Variants in SLC24A3 observed in about 807,000 individuals in gnomAD.
SLC24A3 encodes the protein sodium/potassium/calcium exchanger 3.
SLC24A3 carries 28 observed loss-of-function variants against 75.8 expected under a neutral mutation model. That is an observed-to-expected ratio of 0.37 (90% CI 0.27 to 0.51). The LOEUF is 0.51. Ranked by LOEUF, SLC24A3 falls within the 20% of genes least tolerant of loss-of-function variation. The pLI, the probability that SLC24A3 is intolerant of heterozygous loss-of-function variation, is 0.94. For synonymous variants in SLC24A3, 372 were observed against 334.1 expected, an observed-to-expected ratio of 1.11 and a Z score of -1.24; for missense variants, 663 against 847.8, an observed-to-expected ratio of 0.78 and a Z score of 2.71.
intron 1 of SLC24A3, among the ~76,000 whole-genome samples, chr20:19,230,858 G>A (rs1188817253): frequency 1.3e-5 from 2 of 152,070 alleles, no homozygotes; most frequent in Non-Finnish European, 2.9e-5. Context: ...CCCATTGAAG[G>A]GTCATTGGGT....
At chr20:19,511,057 C>A (rs367774684) in intron 2 of SLC24A3, among the ~76,000 whole-genome samples, 1 of 152,178 alleles carries the variant, frequency 6.6e-6, no homozygotes, top group South Asian at 2.1e-4. Flanking sequence ...GAGCCCCCCA[C>A]CCTGCTGCTG....
At chr20:19,648,452 GT>G (rs538570138) in intron 6 of SLC24A3, among the ~76,000 whole-genome samples, 92 of 146,800 alleles carry the variant, frequency 6.3e-4, no homozygotes, top group Middle Eastern at 3.5e-3. Flanking sequence ...TGCTTCAACA[GT>G]TTTTTTTTTT....
At chr20:19,354,140 A>G (rs991756800) in intron 2 of SLC24A3, among the ~76,000 whole-genome samples, 3 of 152,224 alleles carry the variant, frequency 2.0e-5, no homozygotes, top group Non-Finnish European at 4.4e-5. Context: ...CACCCCTGAA[A>G]CCCACAACCG....
intron 2 of SLC24A3, among the ~76,000 whole-genome samples, chr20:19,355,717 T>C (rs1365459723): frequency 3.3e-5 from 5 of 152,362 alleles, no homozygotes; most frequent in African/African-American, 1.2e-4. Flanking sequence ...ATGTATATGC[T>C]TCTTTATCCG....
intron 1 of SLC24A3, among the ~76,000 whole-genome samples, chr20:19,273,673 C>G (rs1983395818): frequency 6.6e-6 from 1 of 152,078 alleles, no homozygotes; most frequent in Admixed American, 6.5e-5. Context: ...CCAGGAGGTG[C>G]CAATGCTGCT....
At chr20:19,635,355 A>G (rs1282030798) in intron 6 of SLC24A3, among the ~76,000 whole-genome samples, 1 of 152,236 alleles carries the variant, frequency 6.6e-6, no homozygotes, top group Non-Finnish European at 1.5e-5. Flanking sequence ...AGGGACATGA[A>G]TCCTAGAGGG....
chr20:19,641,986 T>C (rs937074162), intron 6 of SLC24A3, among the ~76,000 whole-genome samples: 4 of 152,192 alleles, frequency 2.6e-5, no homozygotes, highest in African/African-American at 4.8e-5. Flanking sequence ...CAGACCTGGC[T>C]CAAAACGTAG....
At chr20:19,568,425 C>A (rs1216921599) in intron 3 of SLC24A3, among the ~76,000 whole-genome samples, 1 of 152,120 alleles carries the variant, frequency 6.6e-6, no homozygotes, top group Non-Finnish European at 1.5e-5. Flanking sequence ...TATTATTCAG[C>A]CTTATAAAGG....
At chr20:19,227,559 T>A (rs1981904003) in intron 1 of SLC24A3, among the ~76,000 whole-genome samples, 1 of 152,224 alleles carries the variant, frequency 6.6e-6, no homozygotes, top group Non-Finnish European at 1.5e-5. Flanking sequence ...TTACTTCATT[T>A]GGAATTTATT....
chr20:19,252,777 A>G (rs1982702922), intron 1 of SLC24A3, among the ~76,000 whole-genome samples: 1 of 151,778 alleles, frequency 6.6e-6, no homozygotes, highest in Admixed American at 6.6e-5. Flanking sequence ...TTACTCAACA[A>G]CTCCCATGAT....
chr20:19,530,007 T>A (rs767192989), intron 3 of SLC24A3, among the ~76,000 whole-genome samples: 1 of 152,238 alleles, frequency 6.6e-6, no homozygotes, highest in African/African-American at 2.4e-5. Flanking sequence ...AGGAATTTGT[T>A]CAAACTAGAA....
At chr20:19,503,050 T>C (rs1225377411) in intron 2 of SLC24A3, among the ~76,000 whole-genome samples, 1 of 148,838 alleles carries the variant, frequency 6.7e-6, no homozygotes, top group African/African-American at 2.5e-5. Context: ...AAAAAAATAC[T>C]AGATACACAT....
intron 3 of SLC24A3, among the ~76,000 whole-genome samples, chr20:19,522,421 A>G (rs1051013552): frequency 7.2e-5 from 11 of 152,228 alleles, no homozygotes; most frequent in African/African-American, 2.7e-4. Flanking sequence ...GTAAGGAGGA[A>G]GGACACCCAA....
chr20:19,350,512 G>A (rs1429252670), intron 2 of SLC24A3, among the ~76,000 whole-genome samples: 1 of 152,142 alleles, frequency 6.6e-6, no homozygotes, highest in Non-Finnish European at 1.5e-5. Flanking sequence ...TCTATTGGAA[G>A]ATTCTAAACA....
At chr20:19,349,234 C>T (rs966565976) in intron 2 of SLC24A3, among the ~76,000 whole-genome samples, 17 of 152,210 alleles carry the variant, frequency 1.1e-4, no homozygotes, top group African/African-American at 3.4e-4. Context: ...ACTACAGAAT[C>T]GCTCCCTCAA....
At chr20:19,232,153 T>TC (rs1555782673) in intron 1 of SLC24A3, among the ~76,000 whole-genome samples, 20,424 of 152,160 alleles carry the variant, frequency 0.13, 1,393 homozygotes, top group African/African-American at 0.16. Context: ...GTTAAAATTA[T>TC]CTACCCTTGA....
chr20:19,711,132 AACAC>A (rs79213522), intron 15 of SLC24A3, among the ~76,000 whole-genome samples: 1 of 150,192 alleles, frequency 6.7e-6, no homozygotes, highest in East Asian at 2.0e-4. Flanking sequence ...CATGCAGGCA[AACAC>A]ACACACACAC....
intron 2 of SLC24A3, among the ~76,000 whole-genome samples, chr20:19,327,861 C>A (rs1984907371): frequency 6.6e-6 from 1 of 152,080 alleles, no homozygotes; most frequent in African/African-American, 2.4e-5. Context: ...AACATAAGGA[C>A]AAGGAACAAA....
intron 6 of SLC24A3, among the ~76,000 whole-genome samples, chr20:19,617,771 G>A (rs1040188619): frequency 5.3e-5 from 8 of 152,100 alleles, no homozygotes; most frequent in African/African-American, 1.9e-4. Flanking sequence ...TGTCACAGCA[G>A]CAATTATAAA....
Sources: gnomAD v4.1 joint callset for allele counts (sites outside exome capture counted in the v4.1 genomes callset) on GRCh38, gnomAD v4.1.1 for gene constraint, MANE v1.5 for transcripts, NCBI Gene and HGNC (gene_info 2026-07-23, HGNC 2026-07-21) for gene names.